FANCC: variants seen among roughly 807,000 people sequenced by gnomAD.
The protein encoded by FANCC is Fanconi anemia group C protein.
FANCC carries 55 observed loss-of-function variants against 71.3 expected under a neutral mutation model. The ratio of observed to expected loss-of-function variants is 0.77; its 90% CI spans 0.62 to 0.97. FANCC has a LOEUF of 0.97. Among genes scored for constraint, FANCC ranks in the 50% least tolerant of loss-of-function variants. The pLI, the probability that FANCC is intolerant of heterozygous loss-of-function variation, is 0.00. For synonymous variants in FANCC, 275 were observed against 244.9 expected (o/e 1.12, Z -1.15); for missense variants, 678 against 670.9 (o/e 1.01, Z -0.12).
rs1427661141 is a variant in FANCC, at chr9:95,126,592, A to G, written c.844-11T>C. ...GCAGGCTGCTTGAGGCTGTAAAAGG[A>G]GAAGACCATGAGAATGTGAAATATC... is the stretch of plus-strand genomic sequence containing the variant. On this transcript the variant is annotated splice_polypyrimidine_tract_variant and intron_variant, in intron 8 of 14. Transcript: ENST00000289081. 3.1e-6 allele frequency: 5 copies of G among 1,613,888 alleles called. No individual in the cohort carries two copies. The South Asian group carries it at 5.5e-5, about 18-fold the overall frequency.
At chr9:95,206,072 C>T (rs1828104706) in intron 4 of FANCC, among the ~76,000 whole-genome samples, 1 of 151,784 alleles carries the variant, frequency 6.6e-6, no homozygotes, top group Admixed American at 6.6e-5. Flanking sequence ...TTTTGTTGCC[C>T]CAAATAAAAG....
chr9:95,234,423 C>T (rs1230352232), intron 4 of FANCC, among the ~76,000 whole-genome samples: 1 of 152,188 alleles, frequency 6.6e-6, no homozygotes, highest in Non-Finnish European at 1.5e-5. Flanking sequence ...TGACTAATCA[C>T]AATGCCAATC....
intron 4 of FANCC, among the ~76,000 whole-genome samples, chr9:95,204,134 A>C (rs1827971793): frequency 6.6e-6 from 1 of 152,242 alleles, no homozygotes; most frequent in African/African-American, 2.4e-5. Flanking sequence ...TTATAGACAA[A>C]AGGCCAGGAA....
intron 1 of FANCC, among the ~76,000 whole-genome samples, chr9:95,305,162 C>G (rs1431361219): frequency 6.6e-6 from 1 of 152,122 alleles, no homozygotes; most frequent in Non-Finnish European, 1.5e-5. Flanking sequence ...AATGCAATTA[C>G]CAATAAACAA....
chr9:95,268,078 T>A (rs985234196), intron 1 of FANCC, among the ~76,000 whole-genome samples: 1 of 152,228 alleles, frequency 6.6e-6, no homozygotes, highest in African/African-American at 2.4e-5. Context: ...ATCCAGGCTG[T>A]GAGTCCCACT....
chr9:95,218,941 G>C (rs1260447574), intron 4 of FANCC, among the ~76,000 whole-genome samples: 1 of 152,244 alleles, frequency 6.6e-6, no homozygotes, highest in African/African-American at 2.4e-5. Context: ...GAAAACGATA[G>C]GAAATGTCAT....
At chr9:95,105,352 C>T (rs755191354) in intron 14 of FANCC, among the ~76,000 whole-genome samples, 29 of 152,114 alleles carry the variant, frequency 1.9e-4, no homozygotes, top group Non-Finnish European at 3.2e-4. Context: ...ATATTCCTCT[C>T]GAGTTGGCTG....
intron 6 of FANCC, among the ~76,000 whole-genome samples, chr9:95,160,182 T>C (rs994300375): frequency 6.6e-6 from 1 of 152,226 alleles, no homozygotes; most frequent in African/African-American, 2.4e-5. Context: ...AAGTCTTTAA[T>C]CCATCTTGAA....
intron 1 of FANCC, among the ~76,000 whole-genome samples, chr9:95,267,266 G>A (rs1832435049): frequency 6.6e-6 from 1 of 152,138 alleles, no homozygotes; most frequent in Admixed American, 6.5e-5. Flanking sequence ...CTGAAGGAAG[G>A]CTCGCAGCAT....
intron 4 of FANCC, among the ~76,000 whole-genome samples, chr9:95,221,127 G>A (rs968755515): frequency 1.3e-5 from 2 of 151,984 alleles, no homozygotes; most frequent in African/African-American, 4.8e-5. Context: ...AGCTACTCCG[G>A]AAGGCTGAGG....
intron 1 of FANCC, among the ~76,000 whole-genome samples, chr9:95,295,230 A>C (rs1456678571): frequency 6.6e-6 from 1 of 152,182 alleles, no homozygotes; most frequent in Non-Finnish European, 1.5e-5. Context: ...CAGCAAAGAA[A>C]ATAACAGCGT....
At chr9:95,145,873 C>T (rs1461803177) in intron 7 of FANCC, among the ~76,000 whole-genome samples, 1 of 151,912 alleles carries the variant, frequency 6.6e-6, no homozygotes, top group Non-Finnish European at 1.5e-5. Flanking sequence ...ATTATTTCAA[C>T]AAATAATTTC....
chr9:95,158,113 C>A (rs1830548335), intron 6 of FANCC, among the ~76,000 whole-genome samples: 1 of 152,080 alleles, frequency 6.6e-6, no homozygotes, highest in Non-Finnish European at 1.5e-5. Context: ...ACTCTCCGGC[C>A]TACCTTTCAA....
chr9:95,144,519 G>A (rs974403051), intron 7 of FANCC, among the ~76,000 whole-genome samples: 4 of 152,162 alleles, frequency 2.6e-5, no homozygotes, highest in Admixed American at 6.5e-5. Flanking sequence ...TGGGCACGTC[G>A]CCTGGCCAGT....
intron 6 of FANCC, among the ~76,000 whole-genome samples, chr9:95,165,332 A>AG (rs1406402425): frequency 3.3e-5 from 5 of 151,188 alleles, no homozygotes. Context: ...TGAGGTGTAA[A>AG]GTTAGGTTTC....
intron 1 of FANCC, among the ~76,000 whole-genome samples, chr9:95,298,312 G>C (rs1436935184): frequency 6.6e-6 from 1 of 152,140 alleles, no homozygotes; most frequent in African/African-American, 2.4e-5. Flanking sequence ...CACTGAAAGG[G>C]GCAACAAAGG....
intron 4 of FANCC, among the ~76,000 whole-genome samples, chr9:95,219,018 T>C (rs1179291573): frequency 6.6e-6 from 1 of 152,218 alleles, no homozygotes; most frequent in African/African-American, 2.4e-5. Flanking sequence ...AGAGACCCAA[T>C]TCCTAGTTTT....
rs1300486732 is a variant in FANCC, at chr9:95,271,924, C to CTTTTTTTTTTTTTTTTT, written c.-78-22556_-78-22555insAAAAAAAAAAAAAAAAA. On this transcript the variant is annotated intron_variant, in intron 1 of 14. Coordinates refer to ENST00000289081, the MANE Select transcript of FANCC (RefSeq NM_000136.3). The stretch of plus-strand genomic sequence containing the variant: ...CTCTTCCATCAATCCCATCAAGCCT[C>CTTTTTTTTTTTTTTTTT]TTCTTTTTTTTTTTTTTTTTTTTTT... Among the ~76,000 whole-genome samples, 3 of 67,240 alleles carry CTTTTTTTTTTTTTTTTT rather than the reference C, an allele frequency of 4.5e-5. 1 individual carries two copies. Among genetic ancestry groups the CTTTTTTTTTTTTTTTTT allele is most frequent in the East Asian group, 4.9e-4 (1 of 2,060 alleles). The allele number at this position is 67,240 out of a possible 152,430, so 44.1% of individuals were successfully genotyped here.
intron 1 of FANCC, among the ~76,000 whole-genome samples, chr9:95,315,133 ATT>A (rs944293408): frequency 1.3e-4 from 20 of 152,252 alleles, no homozygotes; most frequent in Non-Finnish European, 2.4e-4. Context: ...TCAGTCCCGT[ATT>A]AAACTTGAGT....
Sources: gnomAD v4.1 joint callset for allele counts (sites outside exome capture counted in the v4.1 genomes callset) on GRCh38, gnomAD v4.1.1 for gene constraint, MANE v1.5 for transcripts, NCBI Gene and HGNC (gene_info 2026-07-23, HGNC 2026-07-21) for gene names.